The following CACNA1E variants were observed in gnomAD, a reference collection of about 807,000 sequenced individuals.
CACNA1E encodes the protein calcium voltage-gated channel subunit alpha1 E.
In CACNA1E, 40 loss-of-function variants were observed where a neutral mutation model predicts 259.2. The ratio of observed to expected loss-of-function variants is 0.15; its 90% confidence interval spans 0.12 to 0.20. The LOEUF (loss-of-function observed/expected upper bound fraction) is 0.20. Ranked by LOEUF, CACNA1E falls within the 10% of genes least tolerant of loss-of-function variation. The pLI is 1.00. For missense variants in CACNA1E, 1,874 were observed against 3,040.1 expected (o/e 0.62, Z 9.02); for synonymous variants, 1,104 against 1,138.5 (o/e 0.97, Z 0.61).
chr1:181,590,178 A>G (rs561597262), intron 6 of CACNA1E, among the ~76,000 whole-genome samples: 3 of 151,940 alleles, frequency 2.0e-5, no homozygotes, highest in African/African-American at 7.2e-5. Flanking sequence ...CCTCAATTAC[A>G]CCTCAGTTCC....
chr1:181,349,776 C>CTG lies in CACNA1E; in HGVS notation c.-15+31663_-15+31664dup, dbSNP rs376306155. On this transcript the variant is annotated intron_variant, in intron 1 of 11. Coordinates refer to the CACNA1E transcript ENST00000524607. Reference sequence around the variant, plus strand: ...AGGGTTGTGTAGGGAGGAATCAGGGCTGTGTGTGTGTATAGGGGTATTGTG... The same window carrying CTG: ...AGGGTTGTGTAGGGAGGAATCAGGGCTGTGTGTGTGTGTATAGGGGTATTGTG... 1.3e-4 allele frequency among the ~76,000 whole-genome samples: 20 copies of CTG among 151,736 alleles called. 1 individual carries two copies. The highest frequency in any genetic ancestry group is 2.8e-4 in the Non-Finnish European group (19 of 67,920).
chr1:181,790,069 C>CTTAATAT (rs1353728271), intron 43 of CACNA1E, among the ~76,000 whole-genome samples: 1 of 152,180 alleles, frequency 6.6e-6, no homozygotes, highest in African/African-American at 2.4e-5. Flanking sequence ...TCCATGGCTG[C>CTTAATAT]TTAATATTTA....
At position 181,781,142 on chromosome 1, in the gene CACNA1E, C is replaced by T. The variant is rs1023273060; in HGVS notation, c.5268-285C>T. Among the ~76,000 whole-genome samples the T allele has an allele frequency of 3.9e-5, 6 of 152,278 alleles. No homozygotes were observed. In the East Asian group the frequency reaches 9.6e-4, roughly 24 times the overall value. On this transcript the variant is annotated intron_variant, in intron 38 of 47. Coordinates refer to ENST00000367573, the MANE Select transcript of CACNA1E (RefSeq NM_001205293.3). ...GAGAGTCATAGGGACTGAAGGTTGC[C>T]ACCAGTTTTCCCGGGTCTGTGTGGG...
intron 1 of CACNA1E, among the ~76,000 whole-genome samples, chr1:181,385,770 ACTTCCCTCCCTCCTTT>A (rs557955977): frequency 1.1e-3 from 140 of 123,436 alleles, no homozygotes; most frequent in Admixed American, 3.2e-3. Flanking sequence ...CTCCTCTCTT[ACTTCCCTCCCTCCTTT>A]CTTCCCTCCC....
intron 1 of CACNA1E, among the ~76,000 whole-genome samples, chr1:181,385,772 TTCCCTCCCTCCTTTCTTCCC>T (rs1232118571): frequency 1.3e-5 from 2 of 151,050 alleles, no homozygotes; most frequent in Non-Finnish European, 3.0e-5. Context: ...CCTCTCTTAC[TTCCCTCCCTCCTTTCTTCCC>T]TCCCTCCCTC....
intron 3 of CACNA1E, among the ~76,000 whole-genome samples, chr1:181,520,081 A>G (rs1666876223): frequency 6.6e-6 from 1 of 152,216 alleles, no homozygotes; most frequent in South Asian, 2.1e-4. Flanking sequence ...CCAGGAGCTC[A>G]TGTCTTATTT....
chr1:181,773,756 TCTTA>T (rs1157852536), intron 37 of CACNA1E, among the ~76,000 whole-genome samples: 5 of 152,250 alleles, frequency 3.3e-5, no homozygotes, highest in African/African-American at 1.2e-4. Flanking sequence ...CATGTGGACA[TCTTA>T]CTTTTATCTT....
intron 21 of CACNA1E, among the ~76,000 whole-genome samples, chr1:181,735,111 A>G (rs962947183): frequency 6.6e-6 from 1 of 152,026 alleles, no homozygotes; most frequent in Non-Finnish European, 1.5e-5. Flanking sequence ...CATCTTCTCT[A>G]TAGTCAACGT....
chr1:181,556,881 A>T (rs1028662419), intron 3 of CACNA1E, among the ~76,000 whole-genome samples: 5 of 152,166 alleles, frequency 3.3e-5, no homozygotes, highest in African/African-American at 1.2e-4. Flanking sequence ...ACCGAGGATA[A>T]TTTGCTAGTT....
upstream of CACNA1E, among the ~76,000 whole-genome samples, chr1:181,479,881 C>G (rs942135317): frequency 6.6e-6 from 1 of 152,190 alleles, no homozygotes; most frequent in African/African-American, 2.4e-5. Context: ...CTTTGTCTGT[C>G]AAGGGTCGTG....
At chr1:181,568,274 G>C (rs1650049859) in intron 3 of CACNA1E, among the ~76,000 whole-genome samples, 1 of 152,186 alleles carries the variant, frequency 6.6e-6, no homozygotes, top group African/African-American at 2.4e-5. Flanking sequence ...GAAGGCTGCT[G>C]CAGAGAAGGC....
At chr1:181,604,090 T>C (rs935663083) in intron 6 of CACNA1E, among the ~76,000 whole-genome samples, 6 of 152,180 alleles carry the variant, frequency 3.9e-5, no homozygotes, top group Non-Finnish European at 8.8e-5. Flanking sequence ...TTGTGTTTGC[T>C]GCACCCATCC....
chr1:181,690,730 T>C (rs1368257361), intron 7 of CACNA1E, among the ~76,000 whole-genome samples: 1 of 152,170 alleles, frequency 6.6e-6, no homozygotes, highest in Non-Finnish European at 1.5e-5. Flanking sequence ...TTTATTATTT[T>C]TGTAGTAATT....
chr1:181,705,281 T>C (rs1379563814), intron 7 of CACNA1E, among the ~76,000 whole-genome samples: 2 of 152,232 alleles, frequency 1.3e-5, no homozygotes, highest in Admixed American at 6.5e-5. Context: ...TTCTACCTTG[T>C]ATGAGATTAT....
chr1:181,526,095 G>C (rs1356607821), intron 3 of CACNA1E, among the ~76,000 whole-genome samples: 3 of 152,164 alleles, frequency 2.0e-5, no homozygotes, highest in Admixed American at 6.5e-5. Flanking sequence ...ATGGAAAGGA[G>C]AGCAGAGATT....
At chr1:181,330,043 A>G (rs1311637676) in intron 1 of CACNA1E, among the ~76,000 whole-genome samples, 2 of 152,170 alleles carry the variant, frequency 1.3e-5, no homozygotes, top group African/African-American at 4.8e-5. Context: ...GGTTCTGAGC[A>G]TGTGAGCTAA....
intron 3 of CACNA1E, among the ~76,000 whole-genome samples, chr1:181,535,705 C>T (rs67935857): frequency 0.38 from 49,408 of 130,294 alleles, 8,822 homozygotes; most frequent in Admixed American, 0.44. Flanking sequence ...TTTTTTTTTT[C>T]GAGACAGATT....
Position 181,484,156 on chromosome 1 carries a change from G to A in CACNA1E, c.266+146G>A, listed in dbSNP as rs78778909. 3.3e-4 allele frequency: 260 copies of A among 792,752 alleles called. 2 individuals carry two copies. The East Asian group carries it at 4.6e-3, about 14-fold the overall frequency. 49.1% of individuals were successfully genotyped at this position (792,752 alleles called of 1,614,324 possible). A position where few individuals can be genotyped will look rare whatever the true frequency, so the allele number is the denominator to read the frequency against. ...AGCACACTCTTCGGTGCATCTAAGG[G>A]GCAAGCTTGGTGCCGTGGAGACCCG... is the stretch of plus-strand genomic sequence containing the variant. On this transcript the variant is annotated intron_variant, in intron 1 of 47. Transcript: ENST00000367573.
intron 1 of CACNA1E, among the ~76,000 whole-genome samples, chr1:181,356,578 G>C (rs1653452821): frequency 6.6e-6 from 1 of 152,206 alleles, no homozygotes; most frequent in African/African-American, 2.4e-5. Context: ...ACATGCTCTT[G>C]CCTTTGCACA....
Sources: allele counts gnomAD v4.1 joint callset (sites outside exome capture counted in the v4.1 genomes callset), GRCh38; gene constraint gnomAD v4.1.1; transcripts MANE v1.5; gene names NCBI Gene and HGNC (gene_info 2026-07-23, HGNC 2026-07-21).